The following EYA2 variants were observed in gnomAD, a reference collection of about 807,000 sequenced individuals.
EYA2 encodes the protein EYA transcriptional coactivator and phosphatase 2.
A neutral mutation model predicts 69.2 loss-of-function variants in EYA2; 31 were observed. That is an observed-to-expected ratio of 0.45 (90% CI 0.34 to 0.60). The LOEUF is 0.60. EYA2 is among the 20% of genes least tolerant of loss of function. The pLI is 0.02. For synonymous variants in EYA2, 257 were observed against 279.4 expected (o/e 0.92, Z 0.80); for missense variants, 622 against 701.2 (o/e 0.89, Z 1.28).
At chr20:47,119,576 A>G (rs554289701) in intron 9 of EYA2, among the ~76,000 whole-genome samples, 11 of 152,238 alleles carry the variant, frequency 7.2e-5, no homozygotes, top group African/African-American at 2.7e-4. Flanking sequence ...TCATATTTGT[A>G]TGACTGTTTA....
Position 46,897,148 on chromosome 20 carries a change from C to T in EYA2, c.-11+2161C>T, listed in dbSNP as rs138151129. Among the ~76,000 whole-genome samples the T allele has an allele frequency of 1.8e-4, 28 of 152,242 alleles. 1 individual carries two copies. In the East Asian group the frequency reaches 5.4e-3, roughly 29 times the overall value. On this transcript the variant is annotated intron_variant, in intron 1 of 15. Coordinates refer to ENST00000327619, the MANE Select transcript of EYA2 (RefSeq NM_005244.5). Reference sequence around the variant, plus strand: ...CCATTTGGCAAAAACGCCCAAGACACGCTGTTTCAAATATGTGGTATTACT... The same window carrying T: ...CCATTTGGCAAAAACGCCCAAGACATGCTGTTTCAAATATGTGGTATTACT...
chr20:46,936,630 C>T (rs1229367647), intron 1 of EYA2, among the ~76,000 whole-genome samples: 1 of 152,090 alleles, frequency 6.6e-6, no homozygotes, highest in Non-Finnish European at 1.5e-5. Context: ...TCTCAGAACA[C>T]GTGGTTATTA....
intron 2 of EYA2, among the ~76,000 whole-genome samples, chr20:46,995,334 G>T (rs1395712003): frequency 3.3e-5 from 5 of 152,158 alleles, no homozygotes; most frequent in Admixed American, 2.0e-4. Context: ...AATTTGCAAC[G>T]ATTTCAATCA....
intron 4 of EYA2, among the ~76,000 whole-genome samples, chr20:47,009,762 CTGTCTA>C (rs1455378573): frequency 6.6e-6 from 1 of 152,182 alleles, no homozygotes; most frequent in Non-Finnish European, 1.5e-5. Flanking sequence ...AACGAATGGG[CTGTCTA>C]TGTCTCAAAA....
chr20:47,001,945 T>C (rs373214401), intron 3 of EYA2, among the ~76,000 whole-genome samples: 5 of 151,760 alleles, frequency 3.3e-5, no homozygotes, highest in African/African-American at 9.7e-5. Context: ...ATTTTTTTTT[T>C]CTCCGAGACA....
chr20:46,915,486 C>T (rs963742651), intron 1 of EYA2, among the ~76,000 whole-genome samples: 1 of 152,106 alleles, frequency 6.6e-6, no homozygotes, highest in Admixed American at 6.6e-5. Context: ...TCAGACAGGC[C>T]AAGGAGGAGC....
intron 1 of EYA2, among the ~76,000 whole-genome samples, chr20:46,937,249 G>A (rs929964731): frequency 4.6e-5 from 7 of 152,156 alleles, no homozygotes; most frequent in African/African-American, 2.4e-5. Flanking sequence ...GTTTATAATC[G>A]TCATACATTT....
At chr20:46,895,992 C>A (rs1458396035) in intron 1 of EYA2, among the ~76,000 whole-genome samples, 1 of 152,160 alleles carries the variant, frequency 6.6e-6, no homozygotes, top group Non-Finnish European at 1.5e-5. Context: ...TATGGATACC[C>A]TTTTCTTTTC....
chr20:46,969,863 G>A (rs139028401), intron 1 of EYA2, among the ~76,000 whole-genome samples: 1 of 152,186 alleles, frequency 6.6e-6, no homozygotes, highest in Non-Finnish European at 1.5e-5. Context: ...CACCATTTGT[G>A]TACAAACATC....
intron 1 of EYA2, among the ~76,000 whole-genome samples, chr20:46,986,297 A>ATG (rs958342691): frequency 5.4e-5 from 7 of 130,348 alleles, no homozygotes; most frequent in African/African-American, 1.9e-4. Flanking sequence ...TATATATCTA[A>ATG]TGTATATATT....
chr20:46,967,080 C>T (rs867474394), intron 1 of EYA2, among the ~76,000 whole-genome samples: 27 of 152,100 alleles, frequency 1.8e-4, no homozygotes, highest in African/African-American at 6.3e-4. Flanking sequence ...GCAACGTCCA[C>T]CTCCCAAGGT....
rs1255856132 is a variant in EYA2, at chr20:47,005,480, C to G, written c.298+396C>G. Among the ~76,000 whole-genome samples, 3 of 152,200 alleles carry G rather than the reference C, an allele frequency of 2.0e-5. No homozygotes were observed. In the East Asian group the frequency reaches 5.8e-4, roughly 29 times the overall value. On this transcript the variant is annotated intron_variant, in intron 4 of 15. Transcript: ENST00000327619. ...GCATGGCAGCAAAGATGGTGCCTGTCCACTCAAGGTTTGCATCCTTTTATC... is the reference window on the plus strand; with the variant it reads ...GCATGGCAGCAAAGATGGTGCCTGTGCACTCAAGGTTTGCATCCTTTTATC...
chr20:47,023,698 C>T (rs1423366435), intron 5 of EYA2, among the ~76,000 whole-genome samples: 1 of 128,526 alleles, frequency 7.8e-6, no homozygotes, highest in Non-Finnish European at 1.5e-5. Flanking sequence ...AGTGCAGTGG[C>T]GTAATCTCGG....
chr20:47,054,505 G>T (rs376685581), intron 5 of EYA2, among the ~76,000 whole-genome samples: 1 of 152,168 alleles, frequency 6.6e-6, no homozygotes, highest in African/African-American at 2.4e-5. Context: ...GAGCATGTGT[G>T]GGGGGCTGCT....
intron 12 of EYA2, among the ~76,000 whole-genome samples, chr20:47,174,163 G>A (rs2034383876): frequency 6.6e-6 from 1 of 152,172 alleles, no homozygotes; most frequent in African/African-American, 2.4e-5. Context: ...TTGAGTAGGT[G>A]GCTAATAGTG....
At chr20:47,117,732 C>T (rs1310143217) in intron 9 of EYA2, 4 of 975,906 alleles carry the variant, frequency 4.1e-6, no homozygotes, top group Non-Finnish European at 4.9e-6. Flanking sequence ...ATCAAAAGTG[C>T]CCTCTCTCGA....
At chr20:47,139,554 C>T (rs1568803107) in intron 9 of EYA2, among the ~76,000 whole-genome samples, 4 of 152,132 alleles carry the variant, frequency 2.6e-5, no homozygotes, top group African/African-American at 7.2e-5. Context: ...CTCAGCCTCC[C>T]GAATAGCTGG....
At chr20:46,970,948 C>T (rs1042196174) in intron 1 of EYA2, among the ~76,000 whole-genome samples, 2 of 151,958 alleles carry the variant, frequency 1.3e-5, no homozygotes, top group African/African-American at 4.8e-5. Context: ...AATACTATGA[C>T]GGGGGAAATA....
At chr20:47,184,317 C>T (rs1427766190) in intron 15 of EYA2, among the ~76,000 whole-genome samples, 2 of 152,038 alleles carry the variant, frequency 1.3e-5, no homozygotes, top group Admixed American at 6.6e-5. Context: ...AGTTGCTGAC[C>T]TAACCCCATG....
Sources: gnomAD v4.1 joint callset for allele counts (sites outside exome capture counted in the v4.1 genomes callset) on GRCh38, gnomAD v4.1.1 for gene constraint, MANE v1.5 for transcripts, NCBI Gene and HGNC (gene_info 2026-07-23, HGNC 2026-07-21) for gene names.